AKAP6: variants seen among roughly 807,000 people sequenced by gnomAD.
AKAP6 encodes A-kinase anchor protein 6.
A neutral mutation model predicts 188.5 loss-of-function variants in AKAP6; 58 were observed. That is an observed-to-expected ratio of 0.31 (90% confidence interval 0.25 to 0.38). The LOEUF is 0.38. Ranked by LOEUF, AKAP6 falls within the 10% of genes least tolerant of loss-of-function variation. AKAP6 has a pLI of 1.00. For missense variants in AKAP6, 2,710 were observed against 2,740.0 expected (o/e 0.99, Z 0.24); for synonymous variants, 989 against 998.6 (o/e 0.99, Z 0.18).
rs1374467633 is a variant in AKAP6 at position 32,823,007 on chromosome 14, G to T, written c.5194G>T (p.Val1732Phe). ...LTRSVADESDVNVSMIVNVSC... is the reference protein window; with the variant it reads ...LTRSVADESDFNVSMIVNVSC... ...TCGTTCAGTGGCTGATGAAAGCGAT[G>T]TCAATGTCAGCATGATTGTTAATGT... The change falls in exon 13 of 14, where the codon GTC becomes TTC. Residue 1732 changes from valine to phenylalanine, a missense_variant. Transcript: ENST00000280979. 4 of 1,613,784 alleles carry T rather than the reference G, an allele frequency of 2.5e-6. No individual in the cohort carries two copies. In the Admixed American group the frequency reaches 6.7e-5, roughly 27 times the overall value.
intron 12 of AKAP6, 102 bp from the exon 13 acceptor site, chr14:32,821,300 G>T: frequency 7.8e-7 from 1 of 1,282,500 alleles, no homozygotes; most frequent in South Asian, 1.5e-5. Context: ...CATGCTTGGG[G>T]CAGTTTTCTT....
At chr14:32,514,617 G>A (rs7140398) in intron 2 of AKAP6, among the ~76,000 whole-genome samples, 126,488 of 152,128 alleles carry the variant, frequency 0.83, 53,242 homozygotes, top group African/African-American at 0.96. Context: ...AAACGCTCCA[G>A]AATTTCAATG....
chr14:32,624,542 A>G (rs774726164), intron 7 of AKAP6, among the ~76,000 whole-genome samples: 1 of 152,170 alleles, frequency 6.6e-6, no homozygotes, highest in Non-Finnish European at 1.5e-5. Flanking sequence ...TTCTTCTGGA[A>G]TCTTATTTCA....
chr14:32,329,650 A>G (rs1325003669), intron 1 of AKAP6, among the ~76,000 whole-genome samples: 1 of 152,262 alleles, frequency 6.6e-6, no homozygotes, highest in Non-Finnish European at 1.5e-5. Flanking sequence ...AAGTGTTCTT[A>G]CAGAATTTTT....
At chr14:32,607,740 G>A (rs72667972) in intron 7 of AKAP6, among the ~76,000 whole-genome samples, 1,742 of 152,256 alleles carry the variant, frequency 0.011, 16 homozygotes, top group Non-Finnish European at 0.02. Flanking sequence ...CTTGATGCAA[G>A]CAAATGAGTA....
At chr14:32,485,455 C>T (rs113356461) in intron 2 of AKAP6, among the ~76,000 whole-genome samples, 3 of 152,230 alleles carry the variant, frequency 2.0e-5, no homozygotes, top group Admixed American at 6.5e-5. Flanking sequence ...CCTATTTCTC[C>T]ATAGCCTCAC....
intron 8 of AKAP6, among the ~76,000 whole-genome samples, chr14:32,679,932 T>C (rs1202914856): frequency 1.3e-5 from 2 of 152,254 alleles, no homozygotes; most frequent in Non-Finnish European, 2.9e-5. Context: ...CTTAATGTGC[T>C]TTAATTTCTC....
chr14:32,356,772 G>A (rs1181318908), intron 1 of AKAP6, among the ~76,000 whole-genome samples: 2 of 151,842 alleles, frequency 1.3e-5, no homozygotes, highest in Admixed American at 6.6e-5. Context: ...TGGACTTTCT[G>A]CATGTCGCTT....
chr14:32,727,617 G>A (rs1244405798), intron 9 of AKAP6, among the ~76,000 whole-genome samples: 1 of 152,176 alleles, frequency 6.6e-6, no homozygotes, highest in Non-Finnish European at 1.5e-5. Flanking sequence ...AGAAGAGGGG[G>A]AAAACTCAAT....
At position 32,741,467 on chromosome 14, in the gene AKAP6, T is replaced by C. The variant is rs538669456; in HGVS notation, c.3372+5585T>C. ...CTTGGAGGAAAGGTTTTCAGTTTTC[T>C]CCCGTTCAATGTGATACTACCTGTG... On this transcript the variant is annotated intron_variant, in intron 11 of 13. Transcript: ENST00000280979. Among the ~76,000 whole-genome samples the C allele has an allele frequency of 1.4e-3, 212 of 152,126 alleles. 1 individual carries two copies. The highest frequency in any genetic ancestry group is 2.1e-3 in the Non-Finnish European group (143 of 67,916).
chr14:32,444,231 G>GT (rs1477301105), intron 2 of AKAP6, among the ~76,000 whole-genome samples: 12 of 152,148 alleles, frequency 7.9e-5, no homozygotes, highest in Non-Finnish European at 1.8e-4. Context: ...AGGCTGTTGA[G>GT]TAAGTGATGC....
chr14:32,719,923 T>C (rs746025825), intron 9 of AKAP6, among the ~76,000 whole-genome samples: 5 of 152,144 alleles, frequency 3.3e-5, no homozygotes, highest in Non-Finnish European at 5.9e-5. Context: ...AGTCCAGATT[T>C]AAACAAACTT....
At chr14:32,615,304 A>G (rs1886525641) in intron 7 of AKAP6, among the ~76,000 whole-genome samples, 1 of 151,912 alleles carries the variant, frequency 6.6e-6, no homozygotes, top group Non-Finnish European at 1.5e-5. Flanking sequence ...ATAATGCTTA[A>G]TATGCCAAGG....
At chr14:32,469,710 C>A (rs1878664216) in intron 2 of AKAP6, among the ~76,000 whole-genome samples, 1 of 78,758 alleles carries the variant, frequency 1.3e-5, no homozygotes, top group Non-Finnish European at 2.4e-5. Flanking sequence ...TTTAATGTCA[C>A]AAATTTTTTT....
Position 32,822,074 on chromosome 14 carries a change from A to G in AKAP6, c.4261A>G (p.Lys1421Glu). The G allele has an allele frequency of 6.2e-7, 1 of 1,613,966 alleles. No homozygotes were observed. The highest frequency in any genetic ancestry group is 1.1e-5 in the South Asian group (1 of 91,086). Residue 1421 changes from lysine (K) to glutamate (E), a missense_variant, in exon 13 of 14, where the codon AAG becomes GAG. Transcript: ENST00000280979. ...ATTTACAGATGAGGGGGAAAGCATT[A>G]AGCTTCCAAATAGCTCTCAGTCGTC... Reference protein sequence around the residue: ...QKFTDEGESIKLPNSSQSSIS... With the variant: ...QKFTDEGESIELPNSSQSSIS...
At chr14:32,359,832 C>G (rs1887601309) in intron 1 of AKAP6, among the ~76,000 whole-genome samples, 1 of 152,160 alleles carries the variant, frequency 6.6e-6, no homozygotes. Flanking sequence ...ATGTACCTTT[C>G]TCATCACATC....
intron 7 of AKAP6, among the ~76,000 whole-genome samples, chr14:32,602,097 A>G (rs6571541): frequency 0.66 from 99,683 of 152,078 alleles, 33,340 homozygotes; most frequent in East Asian, 0.94. Flanking sequence ...CTAATAATGT[A>G]GAGTGGAGAC....
chr14:32,488,866 A>G (rs998327770), intron 2 of AKAP6, among the ~76,000 whole-genome samples: 1 of 152,114 alleles, frequency 6.6e-6, no homozygotes, highest in African/African-American at 2.4e-5. Flanking sequence ...TCCCAACGAA[A>G]TGAGGTAGGT....
intron 2 of AKAP6, among the ~76,000 whole-genome samples, chr14:32,521,807 T>C (rs1346806503): frequency 1.3e-5 from 2 of 152,206 alleles, no homozygotes; most frequent in Non-Finnish European, 2.9e-5. Flanking sequence ...AAGCTACCAA[T>C]GACTTTCTTC....
Sources: gnomAD v4.1 joint callset for allele counts (sites outside exome capture counted in the v4.1 genomes callset) on GRCh38, gnomAD v4.1.1 for gene constraint, MANE v1.5 for transcripts, NCBI Gene and HGNC (gene_info 2026-07-23, HGNC 2026-07-21) for gene names.